The following CTNNA3 variants were observed in gnomAD, a reference collection of about 807,000 sequenced individuals.
CTNNA3 encodes the protein catenin alpha-3.
A neutral mutation model predicts 95.7 loss-of-function variants in CTNNA3; 76 were observed. The ratio of observed to expected loss-of-function variants is 0.79; its 90% CI spans 0.66 to 0.96. CTNNA3 has a LOEUF of 0.96. Ranked by LOEUF, CTNNA3 falls within the 40% of genes least tolerant of loss-of-function variation. CTNNA3 has a pLI of 0.00. For synonymous variants in CTNNA3, 431 were observed against 374.4 expected (o/e 1.15, Z -1.74); for missense variants, 1,191 against 1,089.8 (o/e 1.09, Z -1.31).
rs1330246387 is a variant in CTNNA3, at chr10:67,744,316, T to C, written c.-2+19118A>G. Among the ~76,000 whole-genome samples the C allele has an allele frequency of 1.3e-4, 19 of 151,282 alleles. 1 individual carries two copies. In the East Asian group the frequency reaches 2.1e-3, roughly 17 times the overall value. On this transcript the variant is annotated intron_variant, in intron 1 of 17. Coordinates refer to the CTNNA3 transcript ENST00000684154. ...GTACCAAAACAGAGATATAGATCAA[T>C]GGAACAGACCAGAGCCCTCAGAAAT... is the stretch of plus-strand genomic sequence containing the variant.
intron 17 of CTNNA3, among the ~76,000 whole-genome samples, chr10:65,956,710 C>G (rs1435207353): frequency 6.6e-6 from 1 of 152,176 alleles, no homozygotes; most frequent in East Asian, 1.9e-4. Context: ...GAGTGAGTTT[C>G]TTAATCCTGA....
chr10:66,360,635 CTTTCTTTCT>C (rs1159524319), intron 12 of CTNNA3, among the ~76,000 whole-genome samples: 3 of 55,326 alleles, frequency 5.4e-5, no homozygotes, highest in African/African-American at 1.9e-4. Context: ...TTCTTTCTTT[CTTTCTTTCT>C]TTCTTTCTTT....
At chr10:66,294,886 C>CAGAGAGAGAGAG (rs35664400) in intron 12 of CTNNA3, among the ~76,000 whole-genome samples, 1,819 of 142,454 alleles carry the variant, frequency 0.013, 48 homozygotes, top group African/African-American at 0.043. Flanking sequence ...ACAGTCAGGA[C>CAGAGAGAGAGAG]AGAGAGAGAG....
chr10:67,480,867 C>T (rs1210933746), intron 5 of CTNNA3, among the ~76,000 whole-genome samples: 1 of 152,126 alleles, frequency 6.6e-6, no homozygotes, highest in Non-Finnish European at 1.5e-5. Flanking sequence ...GGCAACGATA[C>T]TAGCAAACTG....
intron 11 of CTNNA3, among the ~76,000 whole-genome samples, chr10:66,426,826 G>C (rs945446698): frequency 2.6e-5 from 4 of 151,418 alleles, no homozygotes; most frequent in African/African-American, 9.7e-5. Context: ...AAAAAAAAAT[G>C]CTTATTCTTT....
At chr10:67,181,814 A>T (rs1416750013) in intron 6 of CTNNA3, among the ~76,000 whole-genome samples, 1 of 152,032 alleles carries the variant, frequency 6.6e-6, no homozygotes. Flanking sequence ...ATTATTATAG[A>T]AAAAGATATA....
chr10:67,576,082 C>A (rs1842133930), intron 3 of CTNNA3, among the ~76,000 whole-genome samples: 1 of 152,042 alleles, frequency 6.6e-6, no homozygotes, highest in South Asian at 2.1e-4. Context: ...TTGAACCCAC[C>A]CTTAGACAGA....
intron 5 of CTNNA3, among the ~76,000 whole-genome samples, chr10:67,433,737 A>G (rs1436961855): frequency 6.6e-6 from 1 of 152,120 alleles, no homozygotes; most frequent in African/African-American, 2.4e-5. Flanking sequence ...GAATAAATGA[A>G]CAAGTGAATA....
At chr10:67,482,506 A>G (rs1400490265) in intron 5 of CTNNA3, among the ~76,000 whole-genome samples, 1 of 151,690 alleles carries the variant, frequency 6.6e-6, no homozygotes, top group Non-Finnish European at 1.5e-5. Flanking sequence ...ATTCTCTTTG[A>G]AGCAATTGTG....
chr10:66,060,882 C>T (rs34904452), intron 15 of CTNNA3, among the ~76,000 whole-genome samples: 17,227 of 152,106 alleles, frequency 0.11, 1,171 homozygotes, highest in Non-Finnish European at 0.16. Flanking sequence ...AGGTCCCAGT[C>T]ACCCCATCCT....
At chr10:67,251,358 G>A (rs1866102725) in intron 5 of CTNNA3, among the ~76,000 whole-genome samples, 1 of 152,126 alleles carries the variant, frequency 6.6e-6, no homozygotes, top group Admixed American at 6.6e-5. Context: ...TGGGTACAGG[G>A]TTGCTTTTGG....
intron 11 of CTNNA3, among the ~76,000 whole-genome samples, chr10:66,511,422 G>A (rs1029834055): frequency 3.3e-5 from 5 of 149,834 alleles, no homozygotes; most frequent in African/African-American, 7.3e-5. Flanking sequence ...TGGGTTTGGC[G>A]TGTTCTTGCT....
chr10:66,774,302 C>T (rs1033587077), intron 8 of CTNNA3, among the ~76,000 whole-genome samples: 4 of 152,054 alleles, frequency 2.6e-5, no homozygotes, highest in African/African-American at 7.2e-5. Flanking sequence ...GAGGATCGCT[C>T]TGAGGATATA....
At chr10:67,448,860 C>A (rs975196547) in intron 5 of CTNNA3, among the ~76,000 whole-genome samples, 3 of 147,694 alleles carry the variant, frequency 2.0e-5, no homozygotes, top group Non-Finnish European at 3.0e-5. Context: ...ATTTTAATTT[C>A]TAAATATATA....
At chr10:67,206,456 T>C (rs1863905886) in intron 6 of CTNNA3, among the ~76,000 whole-genome samples, 1 of 152,170 alleles carries the variant, frequency 6.6e-6, no homozygotes, top group Admixed American at 6.5e-5. Context: ...TGGAGATTAC[T>C]GTATCATTTA....
At chr10:66,794,346 A>G (rs1200062476) in intron 7 of CTNNA3, among the ~76,000 whole-genome samples, 3 of 152,158 alleles carry the variant, frequency 2.0e-5, no homozygotes, top group African/African-American at 7.2e-5. Context: ...CAATAAAGCA[A>G]GTCACATGGG....
intron 7 of CTNNA3, among the ~76,000 whole-genome samples, chr10:66,820,133 T>A (rs561632459): frequency 6.6e-6 from 1 of 151,612 alleles, no homozygotes; most frequent in Non-Finnish European, 1.5e-5. Flanking sequence ...AGCATATTCA[T>A]ACAATATAAT....
intron 12 of CTNNA3, among the ~76,000 whole-genome samples, chr10:66,313,558 A>G (rs2132266986): frequency 6.6e-6 from 1 of 152,218 alleles, no homozygotes; most frequent in Admixed American, 6.5e-5. Flanking sequence ...TTCTCCTCTT[A>G]ACTCTCATCC....
chr10:67,579,638 G>A (rs371320956), intron 3 of CTNNA3, among the ~76,000 whole-genome samples: 1 of 147,826 alleles, frequency 6.8e-6, no homozygotes, highest in Non-Finnish European at 1.5e-5. Flanking sequence ...CACTGTCTTC[G>A]ACAATGGTTG....
Sources: gnomAD v4.1 joint callset for allele counts (sites outside exome capture counted in the v4.1 genomes callset) on GRCh38, gnomAD v4.1.1 for gene constraint, MANE v1.5 for transcripts, NCBI Gene and HGNC (gene_info 2026-07-23, HGNC 2026-07-21) for gene names.